LRRC42: variants seen among roughly 807,000 people sequenced by gnomAD.
The protein encoded by LRRC42 is leucine-rich repeat-containing protein 42.
A neutral mutation model predicts 44.3 loss-of-function variants in LRRC42; 43 were observed. That is an observed-to-expected ratio of 0.97 (90% CI 0.76 to 1.25). The LOEUF (loss-of-function observed/expected upper bound fraction) is 1.25. Ranked by LOEUF, LRRC42 falls within the 50% of genes most tolerant of loss-of-function variation. LRRC42 has a pLI of 0.00. For synonymous variants in LRRC42, 207 were observed against 195.2 expected, an observed-to-expected ratio of 1.06 and a Z score of -0.50; for missense variants, 540 against 509.1, an observed-to-expected ratio of 1.06 and a Z score of -0.58.
chr1:53,961,111 A>G (rs959059793), intron 5 of LRRC42, among the ~76,000 whole-genome samples: 1 of 152,212 alleles, frequency 6.6e-6, no homozygotes, highest in African/African-American at 2.4e-5. Flanking sequence ...TAAAATGAGG[A>G]TAATAATGAA....
intron 7 of LRRC42, among the ~76,000 whole-genome samples, chr1:53,964,460 T>C (rs1161847100): frequency 1.3e-5 from 2 of 152,126 alleles, no homozygotes; most frequent in African/African-American, 4.8e-5. Context: ...CAAATTCAGC[T>C]TGTCCCGAAC....
At chr1:53,947,956 C>T (rs530002827) in intron 2 of LRRC42, 135 bp downstream of exon 2, 1 of 152,172 alleles carries the variant, frequency 6.6e-6, no homozygotes, top group African/African-American at 2.4e-5. Flanking sequence ...AATTCTGGCT[C>T]TGCCACTTAT....
chr1:53,966,462 AAATT>A, intron 8 of LRRC42, 82 bp downstream of exon 8: 1 of 931,626 alleles, frequency 1.1e-6, no homozygotes, highest in South Asian at 1.3e-5. Flanking sequence ...CTCCTTGGAA[AAATT>A]AATTATGATA....
At position 53,958,915 on chromosome 1, in the gene LRRC42, TG is replaced by T. The variant is rs1654921858; in HGVS notation, c.605+636del. Among the ~76,000 whole-genome samples, 3 of 151,232 alleles carry T rather than the reference TG, an allele frequency of 2.0e-5. No homozygotes were observed. In the South Asian group the frequency reaches 6.3e-4, roughly 32 times the overall value. Reference sequence around the variant, plus strand: ...TTATTTATTTCTTTAGACGGAGTCTTGCTCTTGTTGTCCAGGCTGGAGTGCA... The same window carrying T: ...TTATTTATTTCTTTAGACGGAGTCTTCTCTTGTTGTCCAGGCTGGAGTGCA... On this transcript the variant is annotated intron_variant, in intron 4 of 8. Coordinates refer to ENST00000371370, the MANE Select transcript of LRRC42 (RefSeq NM_001256409.2).
At position 53,961,175 on chromosome 1, in the gene LRRC42, C is replaced by T. The variant is rs369543348; in HGVS notation, c.724+701C>T. Among the ~76,000 whole-genome samples the T allele has an allele frequency of 6.6e-5, 10 of 152,134 alleles. No homozygotes were observed. The East Asian group carries it at 9.7e-4, about 15-fold the overall frequency. ...CTGTAATCCCAGCACTTTGGGAGGC[C>T]GAGGCGGGCAGATCACGAGGTCAGG... On this transcript the variant is annotated intron_variant, in intron 5 of 8. Coordinates refer to ENST00000371370, the MANE Select transcript of LRRC42 (RefSeq NM_001256409.2).
chr1:53,947,217 A>C (rs985363777), intron 1 of LRRC42, among the ~76,000 whole-genome samples: 10 of 151,734 alleles, frequency 6.6e-5, no homozygotes, highest in African/African-American at 2.2e-4. Context: ...AGGGGCTCGG[A>C]AGGGCTGGAA....
At position 53,952,210 on chromosome 1, in the gene LRRC42, C is replaced by A. The variant is rs775624054; in HGVS notation, c.211C>A (p.His71Asn). The A allele has an allele frequency of 5.0e-6, 8 of 1,614,112 alleles. No individual in the cohort carries two copies. The highest frequency in any genetic ancestry group is 2.2e-5 in the East Asian group (1 of 44,896). Residue 71 changes from histidine (H) to asparagine (N), a missense_variant, in exon 3 of 9, where the codon CAT becomes AAT. Physicochemically the swap from His to Asn is moderately conservative, Grantham distance 68 (BLOSUM62 1). Coordinates refer to ENST00000371370, the MANE Select transcript of LRRC42 (RefSeq NM_001256409.2). ...DDTARKEKTD[H>N]FIFTYTREGN... is the part of the protein sequence containing the mutation. ...CACTGCACGGAAAGAGAAGACTGAT[C>A]ATTTCATCTTCACATACACCCGAGA...
intron 3 of LRRC42, among the ~76,000 whole-genome samples, chr1:53,956,324 T>TA (rs1182502712): frequency 3.3e-5 from 5 of 152,244 alleles, no homozygotes; most frequent in Admixed American, 1.3e-4. Flanking sequence ...CCACTGGTGG[T>TA]AACAGGGAGG....
rs757408097 is a variant in LRRC42 at position 53,958,257 on chromosome 1, T to C, written c.582T>C (p.His194=). ...KLGDEHELLE[H]LTNEALSSVT... ...GAGATGAGCATGAACTTCTAGAACA[T>C]CTCACCAATGAAGCCCTGTCTAGGT... The change falls in exon 4 of 9, where the codon CAT becomes CAC. Residue 194 remains histidine (H), a synonymous_variant. Coordinates refer to ENST00000371370, the MANE Select transcript of LRRC42 (RefSeq NM_001256409.2). The C allele has an allele frequency of 1.1e-5, 18 of 1,613,622 alleles. No homozygotes were observed. The highest frequency in any genetic ancestry group is 2.2e-5 in the South Asian group (2 of 91,066).
In LRRC42 at chr1:53,962,306, C is replaced by A. The variant is rs1363537240; in HGVS notation, c.824C>A (p.Thr275Asn). 6.2e-7 allele frequency: 1 copy of A among 1,613,308 alleles called. No homozygotes were observed. The highest frequency in any genetic ancestry group is 2.2e-5 in the East Asian group (1 of 44,894). ...ISGTGLKDIK[T>N]VKHKLQTHIG... ...TCTCTGCCTCACTAGGACATCAAAA[C>A]CGTCAAGCACAAGCTCCAGACCCAC... The change falls in exon 7 of 9, where the codon ACC becomes AAC. Residue 275 changes from threonine to asparagine, a missense_variant. Transcript: ENST00000371370.
Position 53,958,273 on chromosome 1 carries a change from C to CT in LRRC42, c.599dup (p.Ser201ValfsTer2), listed in dbSNP as rs1176479938. On this transcript the variant is annotated frameshift_variant, in exon 4 of 9. Coordinates refer to ENST00000371370, the MANE Select transcript of LRRC42 (RefSeq NM_001256409.2). LOFTEE classifies it high-confidence loss of function. ...TCTAGAACATCTCACCAATGAAGCCCTGTCTAGGTACTGACCTGTCACCAC... is the reference window on the plus strand; with the variant it reads ...TCTAGAACATCTCACCAATGAAGCCCTTGTCTAGGTACTGACCTGTCACCAC... The CT allele has an allele frequency of 6.2e-7, 1 of 1,613,484 alleles. No homozygotes were observed. The highest frequency in any genetic ancestry group is 1.3e-5 in the African/African-American group (1 of 74,924).
chr1:53,966,325 GGAAGCTGT>G lies in LRRC42; in HGVS notation c.963_970del (p.Val322ThrfsTer7). ...TTCTGCAGTGGGAGCGTGTGACTGC[GGAAGCTGT>G]GAAGCCACGGGAGACCTCGGAGCCT... On this transcript the variant is annotated frameshift_variant, in exon 8 of 9. Transcript: ENST00000371370. LOFTEE classifies it high-confidence loss of function. 1 of 1,613,810 alleles carries G rather than the reference GGAAGCTGT, an allele frequency of 6.2e-7. No individual in the cohort carries two copies. The highest frequency in any genetic ancestry group is 8.5e-7 in the Non-Finnish European group (1 of 1,179,700).
At chr1:53,948,746 A>G (rs1347148443) in intron 2 of LRRC42, among the ~76,000 whole-genome samples, 3 of 152,236 alleles carry the variant, frequency 2.0e-5, no homozygotes, top group Non-Finnish European at 2.9e-5. Flanking sequence ...GTCCATTTGT[A>G]ATACACCACC....
At position 53,968,030 on chromosome 1, in the gene LRRC42, C is replaced by T. The variant is rs1655178193; in HGVS notation, c.*91C>T. On this transcript the variant is annotated 3_prime_UTR_variant, in exon 9 of 9. Transcript: ENST00000371370. Reference sequence around the variant, plus strand: ...ATGATTTACTTTTTGTTTGAATTTACCTATGGCATTAGCATAGTAAGCAGA... The same window carrying T: ...ATGATTTACTTTTTGTTTGAATTTATCTATGGCATTAGCATAGTAAGCAGA... 1.5e-6 allele frequency: 2 copies of T among 1,359,168 alleles called. No individual in the cohort carries two copies. The highest frequency in any genetic ancestry group is 2.0e-6 in the Non-Finnish European group (2 of 985,568). The allele number at this position is 1,359,168 out of a possible 1,614,324, so 84.2% of individuals were successfully genotyped here.
In LRRC42 at chr1:53,956,497, A is replaced by G. The variant is rs554314342; in HGVS notation, c.474-1652A>G. On this transcript the variant is annotated intron_variant, in intron 3 of 8. Transcript: ENST00000371370. ...GTAGCCCCATTTTGTAGCTGGAGAA[A>G]TTGAGGCTCAGAAAGGTTAAGTAAC... is the stretch of plus-strand genomic sequence containing the variant. Among the ~76,000 whole-genome samples, 4 of 152,322 alleles carry G rather than the reference A, an allele frequency of 2.6e-5. No individual in the cohort carries two copies. The East Asian group carries it at 7.7e-4, about 29-fold the overall frequency.
chr1:53,955,518 G>A (rs1445212578), intron 3 of LRRC42, among the ~76,000 whole-genome samples: 2 of 151,726 alleles, frequency 1.3e-5, no homozygotes, highest in South Asian at 2.1e-4. Flanking sequence ...GGCTGGTTTC[G>A]AACTGCTGAC....
rs564390237 is a variant in LRRC42 at position 53,957,653 on chromosome 1, T to C, written c.474-496T>C. Among the ~76,000 whole-genome samples, 5 of 152,294 alleles carry C rather than the reference T, an allele frequency of 3.3e-5. No homozygotes were observed. In the South Asian group the frequency reaches 1.0e-3, roughly 32 times the overall value. On this transcript the variant is annotated intron_variant, in intron 3 of 8. Transcript: ENST00000371370. ...AGGGGAGTGTTCAGGAAAGATAAAA[T>C]GTGATGTGCCAAATATCTCTTGGTA...
At position 53,967,999 on chromosome 1, in the gene LRRC42, C is replaced by T; in HGVS notation, c.*60C>T. ...AGCTCTAGTGTTTGAGTAAAGGAGACTGAGGATGATTTACTTTTTGTTTGA... is the reference window on the plus strand; with the variant it reads ...AGCTCTAGTGTTTGAGTAAAGGAGATTGAGGATGATTTACTTTTTGTTTGA... On this transcript the variant is annotated 3_prime_UTR_variant, in exon 9 of 9. Coordinates refer to ENST00000371370, the MANE Select transcript of LRRC42 (RefSeq NM_001256409.2). The T allele has an allele frequency of 6.5e-7, 1 of 1,529,782 alleles. No homozygotes were observed. The highest frequency in any genetic ancestry group is 8.8e-7 in the Non-Finnish European group (1 of 1,130,938). The allele number at this position is 1,529,782 out of a possible 1,614,324, so 94.8% of individuals were successfully genotyped here.
Position 53,962,220 on chromosome 1 carries a change from G to A in LRRC42, c.814-76G>A, listed in dbSNP as rs548794711. 1,227 of 1,434,496 alleles carry A rather than the reference G, an allele frequency of 8.6e-4. 4 individuals carry two copies. The highest frequency in any genetic ancestry group is 1.1e-3 in the Non-Finnish European group (1,123 of 1,018,330). 88.9% of individuals were successfully genotyped at this position (1,434,496 alleles called of 1,614,324 possible). On this transcript the variant is annotated intron_variant, in intron 6 of 8. Coordinates refer to ENST00000371370, the MANE Select transcript of LRRC42 (RefSeq NM_001256409.2). ...TTAGAAAGGGCTGGTATTTATGATGGTCTTTATTTACTACTGAAAACAAGT... is the reference window on the plus strand; with the variant it reads ...TTAGAAAGGGCTGGTATTTATGATGATCTTTATTTACTACTGAAAACAAGT...
Sources: allele counts gnomAD v4.1 joint callset (sites outside exome capture counted in the v4.1 genomes callset), GRCh38; gene constraint gnomAD v4.1.1; transcripts MANE v1.5; gene names NCBI Gene and HGNC (gene_info 2026-07-23, HGNC 2026-07-21).